Variants in LRP1B observed in about 807,000 individuals in gnomAD.
LRP1B encodes the protein LDL receptor related protein 1B.
LRP1B carries 217 observed loss-of-function variants against 556.6 expected under a neutral mutation model. The observed-to-expected ratio is 0.39, with a 90% CI of 0.35 to 0.44. The LOEUF is 0.44. Among genes scored for constraint, LRP1B ranks in the 20% least tolerant of loss-of-function variants. The pLI is 1.00. For missense variants in LRP1B, 5,053 were observed against 5,620.8 expected, an observed-to-expected ratio of 0.90 and a Z score of 3.23; for synonymous variants, 2,047 against 1,865.8, an observed-to-expected ratio of 1.10 and a Z score of -2.50.
rs541196409 is a variant in LRP1B at position 141,262,603 on chromosome 2, A to G, written c.344-7962T>C. 3.3e-5 allele frequency among the ~76,000 whole-genome samples: 5 copies of G among 152,266 alleles called. No individual in the cohort carries two copies. In the South Asian group the frequency reaches 6.2e-4, roughly 19 times the overall value. ...TTAATTTCCATAAATGGTAAAATCT[A>G]TGACTGAAGGTTCATCATTTTGTAC... On this transcript the variant is annotated intron_variant, in intron 3 of 90. Coordinates refer to ENST00000389484, the MANE Select transcript of LRP1B (RefSeq NM_018557.3).
chr2:141,635,243 C>T lies in LRP1B; in HGVS notation c.206-154710G>A, dbSNP rs532921307. Among the ~76,000 whole-genome samples, 9 of 152,194 alleles carry T rather than the reference C, an allele frequency of 5.9e-5. No individual in the cohort carries two copies. In the South Asian group the frequency reaches 1.0e-3, roughly 18 times the overall value. ...TGATAATACTGATTAAAAATTAACT[C>T]GAGGCTTTTAAAATATTATTTAGAG... On this transcript the variant is annotated intron_variant, in intron 2 of 90. Coordinates refer to ENST00000389484, the MANE Select transcript of LRP1B (RefSeq NM_018557.3).
chr2:141,458,998 G>A (rs1366757589), intron 3 of LRP1B, among the ~76,000 whole-genome samples: 1 of 152,094 alleles, frequency 6.6e-6, no homozygotes, highest in Non-Finnish European at 1.5e-5. Flanking sequence ...CTGCTGTCCA[G>A]GTTTCTAAAA....
At chr2:141,865,321 G>A (rs1281827517) in intron 1 of LRP1B, among the ~76,000 whole-genome samples, 1 of 151,950 alleles carries the variant, frequency 6.6e-6, no homozygotes, top group African/African-American at 2.4e-5. Context: ...GGCCGGGCGC[G>A]GTGGCTCACG....
At chr2:141,002,169 G>A (rs545476880) in intron 15 of LRP1B, among the ~76,000 whole-genome samples, 205 of 152,092 alleles carry the variant, frequency 1.3e-3, no homozygotes, top group Admixed American at 3.3e-3. Context: ...GTTTACCTCT[G>A]AGAACTATCT....
intron 49 of LRP1B, among the ~76,000 whole-genome samples, chr2:140,524,090 C>G (rs970989706): frequency 1.3e-5 from 2 of 151,000 alleles, no homozygotes; most frequent in African/African-American, 4.9e-5. Flanking sequence ...GAAAAAATAT[C>G]CAGAATCTAT....
At chr2:141,981,390 C>T (rs1702038819) in intron 1 of LRP1B, among the ~76,000 whole-genome samples, 1 of 152,012 alleles carries the variant, frequency 6.6e-6, no homozygotes, top group South Asian at 2.1e-4. Context: ...ACAGTAATTG[C>T]ATAATTCCTG....
At chr2:142,120,139 A>G (rs559459545) in intron 1 of LRP1B, among the ~76,000 whole-genome samples, 1 of 152,252 alleles carries the variant, frequency 6.6e-6, no homozygotes, top group South Asian at 2.1e-4. Flanking sequence ...TTTTTGAGAC[A>G]GAGTCTCAGT....
At chr2:140,584,840 C>G (rs1188143944) in intron 43 of LRP1B, among the ~76,000 whole-genome samples, 3 of 151,992 alleles carry the variant, frequency 2.0e-5, no homozygotes, top group African/African-American at 7.2e-5. Context: ...CCCTGGATAG[C>G]TGAGGCCTTC....
At chr2:141,866,479 C>T (rs1230937147) in intron 1 of LRP1B, among the ~76,000 whole-genome samples, 6 of 152,070 alleles carry the variant, frequency 3.9e-5, no homozygotes, top group East Asian at 1.9e-4. Flanking sequence ...TATACATTTA[C>T]CTATATGAAA....
intron 37 of LRP1B, among the ~76,000 whole-genome samples, chr2:140,709,418 G>A (rs1479997204): frequency 6.6e-6 from 1 of 151,578 alleles, no homozygotes; most frequent in East Asian, 1.9e-4. Context: ...GCAGGAGGAG[G>A]CGGAAGAGGA....
At chr2:140,844,424 A>G (rs1292443485) in intron 29 of LRP1B, among the ~76,000 whole-genome samples, 4 of 151,944 alleles carry the variant, frequency 2.6e-5, no homozygotes, top group Non-Finnish European at 4.4e-5. Flanking sequence ...CTTTCTAATT[A>G]TCATCTTTAT....
At chr2:141,043,361 T>C (rs1266580955) in intron 11 of LRP1B, among the ~76,000 whole-genome samples, 1 of 151,956 alleles carries the variant, frequency 6.6e-6, no homozygotes, top group Non-Finnish European at 1.5e-5. Flanking sequence ...CGACTTGAAG[T>C]AGATGAATTG....
intron 1 of LRP1B, among the ~76,000 whole-genome samples, chr2:141,948,340 T>G (rs1701013854): frequency 6.6e-6 from 1 of 151,836 alleles, no homozygotes; most frequent in Non-Finnish European, 1.5e-5. Context: ...AATGGAAATT[T>G]TTATAAGAAA....
At chr2:141,202,807 G>A (rs1682095728) in intron 6 of LRP1B, among the ~76,000 whole-genome samples, 1 of 151,742 alleles carries the variant, frequency 6.6e-6, no homozygotes, top group Non-Finnish European at 1.5e-5. Flanking sequence ...TTATTACATA[G>A]GTATACATGT....
At chr2:141,084,833 T>A (rs971973199) in intron 7 of LRP1B, among the ~76,000 whole-genome samples, 1 of 152,170 alleles carries the variant, frequency 6.6e-6, no homozygotes, top group African/African-American at 2.4e-5. Flanking sequence ...GTATTTTTAG[T>A]AGAGACGGGG....
intron 2 of LRP1B, among the ~76,000 whole-genome samples, chr2:141,783,093 G>T (rs777261455): frequency 1.3e-5 from 2 of 152,126 alleles, no homozygotes; most frequent in Middle Eastern, 3.4e-3. Context: ...ATTGGGCATT[G>T]CTTATGTGTT....
At chr2:140,912,925 C>G (rs562655337) in intron 21 of LRP1B, among the ~76,000 whole-genome samples, 1 of 151,370 alleles carries the variant, frequency 6.6e-6, no homozygotes, top group African/African-American at 2.4e-5. Flanking sequence ...ATAGATCTAC[C>G]TTTTTGTAAA....
At chr2:141,781,357 A>G (rs1028867510) in intron 2 of LRP1B, among the ~76,000 whole-genome samples, 53 of 152,306 alleles carry the variant, frequency 3.5e-4, no homozygotes, top group African/African-American at 1.2e-3. Context: ...AAATTTGAAG[A>G]AATTCCATCA....
rs75922576 is a variant in LRP1B, at chr2:141,080,323, T to C, written c.1014-18050A>G. On this transcript the variant is annotated intron_variant, in intron 7 of 90. Transcript: ENST00000389484. ...GCTGTCTGGTATTCCTAACTTTATGTAGTTAGCAAAATCTTACTGATTTTG... is the reference window on the plus strand; with the variant it reads ...GCTGTCTGGTATTCCTAACTTTATGCAGTTAGCAAAATCTTACTGATTTTG... Among the ~76,000 whole-genome samples the C allele has an allele frequency of 7.8e-3, 1,192 of 152,314 alleles. 17 individuals are homozygous for C. Among genetic ancestry groups the C allele is most frequent in the African/African-American group, 0.027 (1,143 of 41,572 alleles).
Sources: gnomAD v4.1 joint callset for allele counts (sites outside exome capture counted in the v4.1 genomes callset) on GRCh38, gnomAD v4.1.1 for gene constraint, MANE v1.5 for transcripts, NCBI Gene and HGNC (gene_info 2026-07-23, HGNC 2026-07-21) for gene names.